Variants in ERAP1 observed in about 807,000 individuals in gnomAD.
ERAP1 encodes the protein endoplasmic reticulum aminopeptidase 1.
A neutral mutation model predicts 103.7 loss-of-function variants in ERAP1; 86 were observed. That is an observed-to-expected ratio of 0.83 (90% CI 0.70 to 0.99). The LOEUF is 0.99. Among genes scored for constraint, ERAP1 ranks in the 50% least tolerant of loss-of-function variants. The pLI is 0.00. For synonymous variants in ERAP1, 398 were observed against 402.4 expected, an observed-to-expected ratio of 0.99 and a Z score of 0.13; for missense variants, 1,009 against 1,128.4, an observed-to-expected ratio of 0.89 and a Z score of 1.52.
chr5:96,924,142 T>G, the ERAP1 span, among the ~76,000 whole-genome samples: 4 of 152,264 alleles, frequency 2.6e-5, no homozygotes, highest in African/African-American at 9.6e-5. Flanking sequence ...ATGGTATATG[T>G]CTGTGTCATG....
chr5:96,867,630 T>TCCTCATAG, the ERAP1 span, among the ~76,000 whole-genome samples: 1 of 152,190 alleles, frequency 6.6e-6, no homozygotes, highest in South Asian at 2.1e-4. Context: ...GGCCTGGGAT[T>TCCTCATAG]CCTCATAGCC....
the ERAP1 span, chr5:96,896,831 AAGAATGATGACTTGTGGAGC>A: frequency 8.1e-7 from 1 of 1,228,528 alleles, no homozygotes. Context: ...TAGAAATGCT[AAGAATGATGACTTGTGGAGC>A]AGTCTGTCAA....
the ERAP1 span, chr5:96,909,146 A>G: frequency 1.2e-6 from 2 of 1,605,348 alleles, no homozygotes; most frequent in African/African-American, 2.7e-5. Context: ...AAATGTATTA[A>G]GTAAATACAC....
the ERAP1 span, chr5:96,873,287 T>G: frequency 2.2e-6 from 1 of 454,774 alleles, no homozygotes; most frequent in East Asian, 7.0e-5. Flanking sequence ...CATTCTCACC[T>G]GTTTGTTGAG....
chr5:96,919,313 T>C, the ERAP1 span: 10,736 of 152,440 alleles, frequency 0.07, 458 homozygotes, highest in Middle Eastern at 0.15. Context: ...ATGGAATCTT[T>C]GAAGTATCTT....
At chr5:96,889,228 A>C in the ERAP1 span, 1 of 1,614,142 alleles carries the variant, frequency 6.2e-7, no homozygotes, top group East Asian at 2.2e-5. Flanking sequence ...CAAACACATT[A>C]TGCTTTGCAG....
chr5:96,865,853 G>A, the ERAP1 span, among the ~76,000 whole-genome samples: 15 of 152,082 alleles, frequency 9.9e-5, no homozygotes, highest in Non-Finnish European at 5.9e-5. Flanking sequence ...CCACACAAGC[G>A]GTGCAATACT....
the ERAP1 span, chr5:96,873,606 C>T: frequency 2.6e-6 from 1 of 381,028 alleles, no homozygotes; most frequent in Non-Finnish European, 5.3e-6. Context: ...GCTGAGGAAA[C>T]ACTTGGCTCA....
the ERAP1 span, chr5:96,908,924 A>T: frequency 6.3e-7 from 1 of 1,586,916 alleles, no homozygotes; most frequent in Non-Finnish European, 8.6e-7. Context: ...AAACTATAAG[A>T]TATGCACAAA....
the ERAP1 span, among the ~76,000 whole-genome samples, chr5:96,835,345 C>A: frequency 6.6e-6 from 1 of 152,284 alleles, no homozygotes; most frequent in Non-Finnish European, 1.5e-5. Context: ...TGATTGAGGA[C>A]AAGACACTGC....
At chr5:96,824,484 T>A in the ERAP1 span, among the ~76,000 whole-genome samples, 1 of 152,208 alleles carries the variant, frequency 6.6e-6, no homozygotes, top group Non-Finnish European at 1.5e-5. Context: ...CATCCCTATG[T>A]GTTCTAATCC....
intron 8 of ERAP1, among the ~76,000 whole-genome samples, chr5:96,791,280 G>A (rs1429498633): frequency 2.6e-5 from 4 of 152,114 alleles, no homozygotes; most frequent in Non-Finnish European, 5.9e-5. Flanking sequence ...CACATGACAG[G>A]GCATATAAAT....
chr5:96,868,472 T>C, the ERAP1 span, among the ~76,000 whole-genome samples: 2 of 152,216 alleles, frequency 1.3e-5, no homozygotes, highest in Non-Finnish European at 1.5e-5. Context: ...AACAGCCCTA[T>C]GAAGTTTGTG....
At chr5:96,869,290 G>A in the ERAP1 span, among the ~76,000 whole-genome samples, 1 of 152,036 alleles carries the variant, frequency 6.6e-6, no homozygotes, top group African/African-American at 2.4e-5. Flanking sequence ...TTCTCTAGTT[G>A]ATAACTGCTT....
At chr5:96,853,381 ATC>A in the ERAP1 span, among the ~76,000 whole-genome samples, 2 of 152,164 alleles carry the variant, frequency 1.3e-5, no homozygotes, top group African/African-American at 4.8e-5. Flanking sequence ...CTGCAGGTAA[ATC>A]TAATTCTATG....
the ERAP1 span, among the ~76,000 whole-genome samples, chr5:96,881,968 G>C: frequency 1.8e-4 from 21 of 114,180 alleles, no homozygotes; most frequent in South Asian, 5.9e-3. Context: ...CTGGAACCAA[G>C]GAAGGGAAAT....
Position 96,793,496 on chromosome 5 carries a change from G to A in ERAP1, c.1092C>T (p.Val364=), listed in dbSNP as rs1235944521. The A allele has an allele frequency of 1.2e-6, 2 of 1,613,546 alleles. No homozygotes were observed. The highest frequency in any genetic ancestry group is 8.5e-7 in the Non-Finnish European group (1 of 1,179,712). ...ELAHQWFGNL[V]TMEWWNDLWL... Reference sequence around the variant, plus strand: ...AAAGATCATTCCACCATTCCATAGTGACCAGGTTCCCAAACCACTAAAAGC... The same window carrying A: ...AAAGATCATTCCACCATTCCATAGTAACCAGGTTCCCAAACCACTAAAAGC... The change falls in exon 7 of 19, where the codon GTC becomes GTT. Residue 364 remains valine (V), a synonymous_variant. Coordinates refer to ENST00000443439, the MANE Select transcript of ERAP1 (RefSeq NM_001040458.3).
Position 96,781,747 on chromosome 5 carries a change from T to TTCTC in ERAP1, c.2389_2392dup (p.Lys798ArgfsTer6), listed in dbSNP as rs749694720. The TTCTC allele has an allele frequency of 6.2e-7, 1 of 1,614,214 alleles. No homozygotes were observed. The highest frequency in any genetic ancestry group is 1.1e-5 in the South Asian group (1 of 91,084). ...GCAGAGGGCAAATTCAATTTGGCTT[T>TTCTC]TCTCAGTACTGGACAAAGAAAACTG... On this transcript the variant is annotated frameshift_variant, in exon 16 of 19. Coordinates refer to ENST00000443439, the MANE Select transcript of ERAP1 (RefSeq NM_001040458.3). LOFTEE classifies it high-confidence loss of function.
the ERAP1 span, among the ~76,000 whole-genome samples, chr5:96,911,437 A>C: frequency 1.3e-5 from 2 of 152,202 alleles, no homozygotes; most frequent in African/African-American, 4.8e-5. Flanking sequence ...ATAAAAATCA[A>C]AATAGTGGTG....
Sources: allele counts gnomAD v4.1 joint callset (sites outside exome capture counted in the v4.1 genomes callset), GRCh38; gene constraint gnomAD v4.1.1; transcripts MANE v1.5; gene names NCBI Gene and HGNC (gene_info 2026-07-23, HGNC 2026-07-21).